The following KLHL24 variants were observed in gnomAD, a reference collection of about 807,000 sequenced individuals.
The protein encoded by KLHL24 is kelch-like protein 24.
In KLHL24, 29 loss-of-function variants were observed where a neutral mutation model predicts 53.4. The observed-to-expected ratio is 0.54, with a 90% CI of 0.40 to 0.74. The LOEUF (loss-of-function observed/expected upper bound fraction) is 0.74. KLHL24 is among the 30% of genes least tolerant of loss of function. KLHL24 has a pLI of 0.00. For synonymous variants in KLHL24, 222 were observed against 253.7 expected, an observed-to-expected ratio of 0.88 and a Z score of 1.19; for missense variants, 504 against 744.0, an observed-to-expected ratio of 0.68 and a Z score of 3.75.
chr3:183,662,967 T>G (rs1199621288), intron 3 of KLHL24, among the ~76,000 whole-genome samples: 6 of 152,202 alleles, frequency 3.9e-5, no homozygotes, highest in Non-Finnish European at 7.3e-5. Flanking sequence ...AAAAACTAAT[T>G]TCTGAACAAG....
chr3:183,639,077 T>G (rs1715865083), intron 1 of KLHL24, among the ~76,000 whole-genome samples: 2 of 152,002 alleles, frequency 1.3e-5, no homozygotes, highest in African/African-American at 4.8e-5. Flanking sequence ...CGCAGGCGGC[T>G]GTAATCCCAG....
At chr3:183,666,182 G>A (rs1022808161) in intron 5 of KLHL24, among the ~76,000 whole-genome samples, 5 of 152,282 alleles carry the variant, frequency 3.3e-5, no homozygotes, top group Non-Finnish European at 5.9e-5. Context: ...CACCTAGCCA[G>A]TTTCCAAACT....
At chr3:183,649,053 C>T (rs1213876364) in intron 2 of KLHL24, among the ~76,000 whole-genome samples, 1 of 151,560 alleles carries the variant, frequency 6.6e-6, no homozygotes, top group African/African-American at 2.4e-5. Context: ...AGCCAAGTGC[C>T]TCAATCCATC....
At chr3:183,667,154 T>G (rs538273123) in intron 5 of KLHL24, among the ~76,000 whole-genome samples, 13 of 152,306 alleles carry the variant, frequency 8.5e-5, no homozygotes, top group Non-Finnish European at 1.8e-4. Context: ...TCGTGGTGGC[T>G]CACACCTGTA....
At chr3:183,657,287 C>T (rs751351408) in intron 3 of KLHL24, among the ~76,000 whole-genome samples, 2 of 152,112 alleles carry the variant, frequency 1.3e-5, no homozygotes, top group Non-Finnish European at 2.9e-5. Flanking sequence ...GCAAGTTGTT[C>T]GTGTCTATGA....
chr3:183,648,765 G>C (rs1039124294), intron 2 of KLHL24, among the ~76,000 whole-genome samples: 1 of 152,150 alleles, frequency 6.6e-6, no homozygotes, highest in African/African-American at 2.4e-5. Context: ...ACTTTGGGAG[G>C]CCAAGGTGGG....
chr3:183,646,846 G>A (rs2108782049), intron 2 of KLHL24, among the ~76,000 whole-genome samples: 1 of 152,060 alleles, frequency 6.6e-6, no homozygotes, highest in South Asian at 2.1e-4. Flanking sequence ...GTCTCGCTCT[G>A]TCACCCAGGC....
Position 183,679,249 on chromosome 3 carries a change from C to T in KLHL24, c.1766C>T (p.Thr589Ile). The part of the protein sequence containing the change: ...PRPVSYHGCV[T>I]IHRYNEKCFK... Reference sequence around the variant, plus strand: ...CCAGTGTCCTATCATGGCTGTGTGACTATTCATAGATACAATGAGAAATGC... The same window carrying T: ...CCAGTGTCCTATCATGGCTGTGTGATTATTCATAGATACAATGAGAAATGC... The change falls in exon 8 of 8, where the codon ACT becomes ATT. Residue 589 changes from threonine (T) to isoleucine (I), a missense_variant. Transcript: ENST00000242810. 1 of 1,613,984 alleles carries T rather than the reference C, an allele frequency of 6.2e-7. No individual in the cohort carries two copies. The highest frequency in any genetic ancestry group is 8.5e-7 in the Non-Finnish European group (1 of 1,179,932).
intron 7 of KLHL24, among the ~76,000 whole-genome samples, chr3:183,678,023 T>C (rs1712200119): frequency 6.6e-6 from 1 of 152,106 alleles, no homozygotes; most frequent in Non-Finnish European, 1.5e-5. Context: ...GAACTCTTGA[T>C]CTCAAGTGAT....
chr3:183,664,841 C>G (rs1002113193), intron 4 of KLHL24, 80 bp from the exon 5 acceptor site: 5 of 669,242 alleles, frequency 7.5e-6, no homozygotes, highest in African/African-American at 1.8e-5. Context: ...TTTTCTTTAC[C>G]TATGCCTTGG....
chr3:183,668,633 G>A (rs1401180769), intron 5 of KLHL24, among the ~76,000 whole-genome samples: 1 of 152,174 alleles, frequency 6.6e-6, no homozygotes, highest in Non-Finnish European at 1.5e-5. Context: ...ATTACCGGGT[G>A]CGGTGGCTCA....
chr3:183,638,435 A>C lies in KLHL24; in HGVS notation c.-125+2642A>C, dbSNP rs191203905. 3.0e-5 allele frequency among the ~76,000 whole-genome samples: 4 copies of C among 135,332 alleles called. No homozygotes were observed. The East Asian group carries it at 9.6e-4, about 33-fold the overall frequency. 88.8% of individuals were successfully genotyped at this position (135,332 alleles called of 152,430 possible). A position where few individuals can be genotyped will look rare whatever the true frequency, so the allele number is the denominator to read the frequency against. Reference sequence around the variant, plus strand: ...TACTATTAATCAAATAAGTGACCACAGTTATTTTTGTCTATTTGACAAAAA... The same window carrying C: ...TACTATTAATCAAATAAGTGACCACCGTTATTTTTGTCTATTTGACAAAAA... On this transcript the variant is annotated intron_variant, in intron 1 of 7. Transcript: ENST00000242810.
chr3:183,678,620 A>G (rs1712314530), intron 7 of KLHL24, among the ~76,000 whole-genome samples: 2 of 151,886 alleles, frequency 1.3e-5, no homozygotes, highest in African/African-American at 2.4e-5. Flanking sequence ...TTCATCATTC[A>G]GTTCTTAAGC....
intron 3 of KLHL24, among the ~76,000 whole-genome samples, chr3:183,662,316 A>G (rs888154903): frequency 3.9e-5 from 6 of 152,250 alleles, no homozygotes; most frequent in East Asian, 1.9e-4. Context: ...AGACACGCCA[A>G]TATTGCTTGT....
intron 3 of KLHL24, among the ~76,000 whole-genome samples, chr3:183,658,699 C>T (rs1389985818): frequency 6.6e-6 from 1 of 152,184 alleles, no homozygotes; most frequent in Non-Finnish European, 1.5e-5. Context: ...CCTACTTCTG[C>T]ACTCCTTTGC....
chr3:183,645,480 A>G (rs115184695), intron 2 of KLHL24, among the ~76,000 whole-genome samples: 2,608 of 152,348 alleles, frequency 0.017, 81 homozygotes, highest in African/African-American at 0.06. Flanking sequence ...GCATCCAGAC[A>G]TCCACACAAA....
chr3:183,640,600 C>CTTTTTTTTTTTTTTT (rs761361160), intron 1 of KLHL24, among the ~76,000 whole-genome samples: 23 of 61,660 alleles, frequency 3.7e-4, no homozygotes, highest in African/African-American at 6.5e-4. Flanking sequence ...TTTCTTTTTT[C>CTTTTTTTTTTTTTTT]TTTTTTTTTT....
At chr3:183,673,657 C>G (rs73884592) in intron 7 of KLHL24, among the ~76,000 whole-genome samples, 2,613 of 152,270 alleles carry the variant, frequency 0.017, 84 homozygotes, top group African/African-American at 0.06. Context: ...CCTTCCACCC[C>G]CAAAATGCTT....
At chr3:183,678,554 A>G (rs1712299880) in intron 7 of KLHL24, among the ~76,000 whole-genome samples, 1 of 151,936 alleles carries the variant, frequency 6.6e-6, no homozygotes, top group Non-Finnish European at 1.5e-5. Flanking sequence ...CAGGGGCACA[A>G]GTGCAGGTTT....
Sources: gnomAD v4.1 joint callset for allele counts (sites outside exome capture counted in the v4.1 genomes callset) on GRCh38, gnomAD v4.1.1 for gene constraint, MANE v1.5 for transcripts, NCBI Gene and HGNC (gene_info 2026-07-23, HGNC 2026-07-21) for gene names.